Variants in CTNNA2 observed in about 807,000 individuals in gnomAD.
CTNNA2 encodes catenin alpha 2, also known as catenin alpha-2.
CTNNA2 carries 42 observed loss-of-function variants against 101.0 expected under a neutral mutation model. The observed-to-expected ratio is 0.42, with a 90% CI of 0.32 to 0.54. The LOEUF (loss-of-function observed/expected upper bound fraction) is 0.54, where lower values mean the gene tolerates loss of function less well. CTNNA2 is among the 20% of genes least tolerant of loss of function. The probability of loss-of-function intolerance (pLI) is 0.14; values close to 1 mark genes in which losing one functional copy is unlikely to be tolerated. For missense variants in CTNNA2, 871 were observed against 1,223.1 expected (o/e 0.71, Z 4.29); for synonymous variants, 450 against 456.4 (o/e 0.99, Z 0.18).
At chr2:80,467,966 C>G (rs926819042) in intron 9 of CTNNA2, among the ~76,000 whole-genome samples, 7 of 152,116 alleles carry the variant, frequency 4.6e-5, no homozygotes, top group African/African-American at 1.7e-4. Flanking sequence ...ATAGCAGCCC[C>G]AACAAACTAA....
intron 2 of CTNNA2, among the ~76,000 whole-genome samples, chr2:79,712,517 G>A (rs917748201): frequency 1.3e-5 from 2 of 152,018 alleles, no homozygotes; most frequent in Non-Finnish European, 2.9e-5. Flanking sequence ...TTATCTAATT[G>A]CGAAGGAAAA....
intron 18 of CTNNA2, among the ~76,000 whole-genome samples, chr2:80,640,079 G>C (rs1673301301): frequency 3.3e-5 from 5 of 151,938 alleles, no homozygotes; most frequent in Admixed American, 3.3e-4. Flanking sequence ...TCCAGCCTGG[G>C]TGACAGCGAG....
chr2:79,213,146 G>A (rs557372675), intron 2 of CTNNA2, among the ~76,000 whole-genome samples: 1 of 152,276 alleles, frequency 6.6e-6, no homozygotes, highest in South Asian at 2.1e-4. Flanking sequence ...GGCCAGATGA[G>A]AAGGAGAAAA....
intron 1 of CTNNA2, chr2:79,575,357 T>C (rs1225813703): frequency 1.3e-5 from 2 of 152,212 alleles, no homozygotes; most frequent in Non-Finnish European, 2.9e-5. Flanking sequence ...TGGTTCCCTG[T>C]GCCTCCTTGG....
At chr2:79,917,804 C>T (rs945022044) in intron 7 of CTNNA2, among the ~76,000 whole-genome samples, 2 of 152,086 alleles carry the variant, frequency 1.3e-5, no homozygotes, top group Non-Finnish European at 2.9e-5. Flanking sequence ...AGAATCATGA[C>T]AGGGAGAGTG....
chr2:79,816,150 G>T (rs6547283), intron 3 of CTNNA2, among the ~76,000 whole-genome samples: 45,226 of 151,916 alleles, frequency 0.3, 8,305 homozygotes, highest in African/African-American at 0.52. Context: ...CTAGGAGCTT[G>T]CTGGAGGAGT....
intron 4 of CTNNA2, chr2:79,499,201 T>C (rs62141416): frequency 0.066 from 10,104 of 152,234 alleles, 394 homozygotes; most frequent in Non-Finnish European, 0.075. Context: ...TTCAGCACCA[T>C]ACACTTGCCA....
At chr2:79,952,633 C>T (rs538176671) in intron 7 of CTNNA2, among the ~76,000 whole-genome samples, 13 of 152,138 alleles carry the variant, frequency 8.5e-5, no homozygotes, top group East Asian at 3.8e-4. Flanking sequence ...AATACAAGAA[C>T]GAAATTGAAT....
At chr2:80,301,649 A>T (rs72928794) in intron 7 of CTNNA2, among the ~76,000 whole-genome samples, 11,639 of 152,200 alleles carry the variant, frequency 0.076, 1,340 homozygotes, top group African/African-American at 0.25. Flanking sequence ...AGGGTCTTGC[A>T]GTTTTTCTTT....
chr2:79,356,954 A>G (rs892077543), intron 3 of CTNNA2, among the ~76,000 whole-genome samples: 2 of 152,222 alleles, frequency 1.3e-5, no homozygotes, highest in Admixed American at 1.3e-4. Context: ...AAAATGGAGA[A>G]GTTCACTAAA....
intron 7 of CTNNA2, among the ~76,000 whole-genome samples, chr2:80,392,080 A>T (rs888106207): frequency 6.6e-6 from 1 of 152,220 alleles, no homozygotes; most frequent in African/African-American, 2.4e-5. Flanking sequence ...GCGGGTATGT[A>T]TGTATCAGCT....
intron 1 of CTNNA2, among the ~76,000 whole-genome samples, chr2:79,591,247 G>A (rs1184062307): frequency 5.9e-5 from 9 of 152,076 alleles, no homozygotes; most frequent in Admixed American, 5.9e-4. Flanking sequence ...TCTCGTTTGG[G>A]TCAGAATATT....
intron 9 of CTNNA2, among the ~76,000 whole-genome samples, chr2:80,470,690 C>T (rs1206540123): frequency 6.6e-6 from 1 of 152,060 alleles, no homozygotes; most frequent in Non-Finnish European, 1.5e-5. Context: ...GAGATGCTGT[C>T]CAAGACGGAT....
At chr2:80,298,054 C>T (rs1011026932) in intron 7 of CTNNA2, 1 of 150,772 alleles carries the variant, frequency 6.6e-6, no homozygotes, top group Non-Finnish European at 1.5e-5. Flanking sequence ...TATATATACA[C>T]ACACACACAT....
intron 18 of CTNNA2, among the ~76,000 whole-genome samples, chr2:80,626,674 G>A (rs1039975686): frequency 1.3e-5 from 2 of 151,982 alleles, no homozygotes; most frequent in African/African-American, 2.4e-5. Context: ...GATTCAATTC[G>A]AAGTAAGCAA....
At chr2:79,793,506 C>A (rs115340375) in intron 3 of CTNNA2, among the ~76,000 whole-genome samples, 1 of 152,188 alleles carries the variant, frequency 6.6e-6, no homozygotes, top group African/African-American at 2.4e-5. Flanking sequence ...TAAACATTCC[C>A]CTTAAGGGAG....
intron 2 of CTNNA2, among the ~76,000 whole-genome samples, chr2:79,658,256 G>A (rs2104512132): frequency 6.6e-6 from 1 of 152,024 alleles, no homozygotes; most frequent in African/African-American, 2.4e-5. Context: ...CATGGTGATA[G>A]CTTCAGTAGT....
chr2:80,430,198 T>G (rs1681364768), intron 9 of CTNNA2, among the ~76,000 whole-genome samples: 1 of 152,194 alleles, frequency 6.6e-6, no homozygotes, highest in African/African-American at 2.4e-5. Flanking sequence ...TTCCAATAGG[T>G]GAATTAAGTA....
At position 80,237,382 on chromosome 2, in the gene CTNNA2, T is replaced by C. The variant is rs372099763; in HGVS notation, c.1057-155829T>C. Among the ~76,000 whole-genome samples the C allele has an allele frequency of 1.1e-4, 16 of 152,228 alleles. No individual in the cohort carries two copies. In the East Asian group the frequency reaches 2.7e-3, roughly 26 times the overall value. ...AGGATGGGTTTATCAGGGTATTAAA[T>C]GTATTTTCAATGTAGAATATTTTCA... On this transcript the variant is annotated intron_variant, in intron 7 of 18. Coordinates refer to ENST00000402739, the MANE Select transcript of CTNNA2 (RefSeq NM_001282597.3).
Sources: gnomAD v4.1 joint callset for allele counts (sites outside exome capture counted in the v4.1 genomes callset) on GRCh38, gnomAD v4.1.1 for gene constraint, MANE v1.5 for transcripts, NCBI Gene and HGNC (gene_info 2026-07-23, HGNC 2026-07-21) for gene names.